Variants in DTD1 observed in about 807,000 individuals in gnomAD.
The protein encoded by DTD1 is D-aminoacyl-tRNA deacylase 1, also known as D-tyrosyl-tRNA deacylase 1 homolog.
Under a neutral mutation model 25.6 loss-of-function variants are expected in DTD1, and 13 were observed. That is an observed-to-expected ratio of 0.51 (90% CI 0.33 to 0.81). The LOEUF (loss-of-function observed/expected upper bound fraction) is 0.81. Among genes scored for constraint, DTD1 ranks in the 30% least tolerant of loss-of-function variants. DTD1 has a pLI of 0.02. For missense variants in DTD1, 193 were observed against 266.4 expected, an observed-to-expected ratio of 0.72 and a Z score of 1.92; for synonymous variants, 110 against 103.6, an observed-to-expected ratio of 1.06 and a Z score of -0.37.
intron 5 of DTD1, among the ~76,000 whole-genome samples, chr20:18,758,347 C>A (rs867242648): frequency 6.6e-6 from 1 of 152,138 alleles, no homozygotes; most frequent in Non-Finnish European, 1.5e-5. Context: ...TTTTCTAGTT[C>A]TTTTAATTGT....
chr20:18,659,397 A>G lies in DTD1; in HGVS notation c.477+31164A>G, dbSNP rs1221298182. 2.0e-5 allele frequency among the ~76,000 whole-genome samples: 3 copies of G among 152,144 alleles called. No individual in the cohort carries two copies. The South Asian group carries it at 6.2e-4, about 32-fold the overall frequency. On this transcript the variant is annotated intron_variant, in intron 4 of 5. Coordinates refer to ENST00000377452, the MANE Select transcript of DTD1 (RefSeq NM_080820.6). Reference sequence around the variant, plus strand: ...TTCCTCCCTCCCTTTATGAACAGCTACAAGTACATGTGCCCTTTCCATTAT... The same window carrying G: ...TTCCTCCCTCCCTTTATGAACAGCTGCAAGTACATGTGCCCTTTCCATTAT...
chr20:18,713,401 C>T (rs2061167752), intron 4 of DTD1, among the ~76,000 whole-genome samples: 1 of 152,216 alleles, frequency 6.6e-6, no homozygotes, highest in African/African-American at 2.4e-5. Context: ...GCTTGATTCT[C>T]CAGTTTGATT....
intron 4 of DTD1, among the ~76,000 whole-genome samples, chr20:18,690,564 G>A (rs139006062): frequency 1.5e-4 from 23 of 152,204 alleles, no homozygotes; most frequent in African/African-American, 5.5e-4. Context: ...TACATATAGC[G>A]AGTCAGTTAT....
At chr20:18,654,805 A>G (rs1259161498) in intron 4 of DTD1, among the ~76,000 whole-genome samples, 2 of 152,234 alleles carry the variant, frequency 1.3e-5, no homozygotes, top group Non-Finnish European at 2.9e-5. Context: ...CATTAAAAAA[A>G]AAAAATCTGT....
intron 5 of DTD1, among the ~76,000 whole-genome samples, chr20:18,746,527 CGT>C (rs72046285): frequency 0.24 from 36,027 of 150,278 alleles, 4,623 homozygotes; most frequent in East Asian, 0.35. Flanking sequence ...GTGAGACCCC[CGT>C]CTCTTAAAAA....
At chr20:18,645,982 T>C (rs1419996308) in intron 4 of DTD1, among the ~76,000 whole-genome samples, 1 of 152,220 alleles carries the variant, frequency 6.6e-6, no homozygotes, top group Non-Finnish European at 1.5e-5. Context: ...CCTAGAGATG[T>C]AGAATGCTTG....
At chr20:18,732,791 T>G (rs1454513656) in intron 4 of DTD1, among the ~76,000 whole-genome samples, 1 of 152,226 alleles carries the variant, frequency 6.6e-6, no homozygotes, top group African/African-American at 2.4e-5. Context: ...TGTGACAAGA[T>G]TATACTCAAA....
chr20:18,756,995 A>G (rs1428928793), intron 5 of DTD1, among the ~76,000 whole-genome samples: 1 of 149,026 alleles, frequency 6.7e-6, no homozygotes, highest in Admixed American at 6.8e-5. Flanking sequence ...CATCCCTTGT[A>G]AGTTGGATTC....
intron 4 of DTD1, among the ~76,000 whole-genome samples, chr20:18,697,384 A>G (rs546108232): frequency 2.7e-4 from 41 of 152,182 alleles, no homozygotes; most frequent in Non-Finnish European, 5.7e-4. Context: ...ATTGTCATGA[A>G]CTTTTTCACT....
At chr20:18,706,333 C>A (rs2061126530) in intron 4 of DTD1, among the ~76,000 whole-genome samples, 1 of 152,134 alleles carries the variant, frequency 6.6e-6, no homozygotes, top group African/African-American at 2.4e-5. Flanking sequence ...TTCGTTGGCA[C>A]CTGGAAAGAC....
intron 5 of DTD1, among the ~76,000 whole-genome samples, chr20:18,760,718 G>C (rs1038595986): frequency 3.9e-5 from 6 of 152,204 alleles, no homozygotes; most frequent in Admixed American, 6.5e-5. Context: ...TCTGTTCTCA[G>C]ATCTCAAGCT....
intron 3 of DTD1, among the ~76,000 whole-genome samples, chr20:18,625,196 A>G (rs6045517): frequency 0.15 from 22,183 of 152,138 alleles, 1,732 homozygotes; most frequent in Admixed American, 0.2. Context: ...CTGCCTTTCC[A>G]CTTCCCTCCA....
intron 4 of DTD1, among the ~76,000 whole-genome samples, chr20:18,647,423 A>T (rs2060854382): frequency 6.6e-6 from 1 of 152,168 alleles, no homozygotes; most frequent in South Asian, 2.1e-4. Context: ...GAGTGAGTGG[A>T]ATACAGGGAG....
chr20:18,648,974 C>T lies in DTD1; in HGVS notation c.477+20741C>T, dbSNP rs531629428. On this transcript the variant is annotated intron_variant, in intron 4 of 5. Transcript: ENST00000377452. ...TCGCGCCACTGCACTCCAGCCTGGGCAACAGAGAAAGACTCCATCTCAAAA... is the reference window on the plus strand; with the variant it reads ...TCGCGCCACTGCACTCCAGCCTGGGTAACAGAGAAAGACTCCATCTCAAAA... Among the ~76,000 whole-genome samples, 517 of 81,720 alleles carry T rather than the reference C, an allele frequency of 6.3e-3. 3 individuals are homozygous for T. The highest frequency in any genetic ancestry group is 8.8e-3 in the Non-Finnish European group (409 of 46,498). 53.6% of individuals were successfully genotyped at this position (81,720 alleles called of 152,430 possible). A position where few individuals can be genotyped will look rare whatever the true frequency, so the allele number is the denominator to read the frequency against.
chr20:18,708,217 TA>T (rs1472823021), intron 4 of DTD1, among the ~76,000 whole-genome samples: 36 of 8,844 alleles, frequency 4.1e-3, no homozygotes, highest in African/African-American at 6.6e-3. Flanking sequence ...TTTATATATA[TA>T]ATATATATAT....
At chr20:18,650,479 C>T (rs547504986) in intron 4 of DTD1, among the ~76,000 whole-genome samples, 4 of 152,318 alleles carry the variant, frequency 2.6e-5, no homozygotes, top group African/African-American at 7.2e-5. Flanking sequence ...TACTCCTGGC[C>T]TGCACGCTGA....
chr20:18,728,347 C>T (rs1435700193), intron 4 of DTD1, among the ~76,000 whole-genome samples: 2 of 152,324 alleles, frequency 1.3e-5, no homozygotes, highest in South Asian at 2.1e-4. Flanking sequence ...CAAAGCCACT[C>T]GAACTCTGAT....
intron 4 of DTD1, among the ~76,000 whole-genome samples, chr20:18,743,068 G>T (rs2061284838): frequency 6.6e-6 from 1 of 152,204 alleles, no homozygotes; most frequent in African/African-American, 2.4e-5. Context: ...AGGCTTTCCT[G>T]TAGTGGCTGG....
chr20:18,663,169 C>A (rs932586), intron 4 of DTD1, among the ~76,000 whole-genome samples: 48 of 151,842 alleles, frequency 3.2e-4, no homozygotes, highest in Non-Finnish European at 6.0e-4. Context: ...ATGGGATGCC[C>A]TAATAGGGCT....
Sources: gnomAD v4.1 joint callset for allele counts (sites outside exome capture counted in the v4.1 genomes callset) on GRCh38, gnomAD v4.1.1 for gene constraint, MANE v1.5 for transcripts, NCBI Gene and HGNC (gene_info 2026-07-23, HGNC 2026-07-21) for gene names.